The following PLEKHG5 variants were observed in gnomAD, a reference collection of about 807,000 sequenced individuals.
PLEKHG5 encodes pleckstrin homology domain-containing family G member 5.
In PLEKHG5, 52 loss-of-function variants were observed where a neutral mutation model predicts 103.8. That is an observed-to-expected ratio of 0.50 (90% CI 0.40 to 0.63). The LOEUF (loss-of-function observed/expected upper bound fraction) is 0.63. PLEKHG5 is among the 30% of genes least tolerant of loss of function. The probability of loss-of-function intolerance (pLI) is 0.00; values close to 1 mark genes in which losing one functional copy is unlikely to be tolerated. For synonymous variants in PLEKHG5, 592 were observed against 575.5 expected (o/e 1.03, Z -0.41); for missense variants, 1,205 against 1,347.6 (o/e 0.89, Z 1.66).
At chr1:6,498,456 G>A (rs1353899720), upstream of PLEKHG5, among the ~76,000 whole-genome samples, 4 of 152,188 alleles carry the variant, frequency 2.6e-5, no homozygotes, top group African/African-American at 9.7e-5. Flanking sequence ...GGTCTCCTGA[G>A]CTCTCTGGAT....
At chr1:6,485,200 TC>T in intron 1 of PLEKHG5, 1 of 630,130 alleles carries the variant, frequency 1.6e-6, no homozygotes, top group East Asian at 3.5e-5. Flanking sequence ...GCCGCATCCT[TC>T]CCCTGGGGGC....
chr1:6,471,794 G>A lies in PLEKHG5; in HGVS notation c.1095C>T (p.Cys365=), dbSNP rs774941228. 4.3e-6 allele frequency: 7 copies of A among 1,609,834 alleles called. No homozygotes were observed. The highest frequency in any genetic ancestry group is 5.9e-6 in the Non-Finnish European group (7 of 1,178,310). Residue 365 remains cysteine (C), a synonymous_variant, in exon 11 of 21, where the codon TGC becomes TGT. Coordinates refer to ENST00000377728, the MANE Select transcript of PLEKHG5 (RefSeq NM_020631.6). ...GCCCTGACTCTTGCAGGTTCAGGAG[G>A]CAGCACAGGAACAGCTGTGGGATCA... ...LRVIINLFLC[C]LLNLQESGLL...
At chr1:6,470,153 C>A in intron 16 of PLEKHG5, 83 bp downstream of exon 16, 2 of 1,476,716 alleles carry the variant, frequency 1.4e-6, no homozygotes, top group East Asian at 4.5e-5. Flanking sequence ...ACCGAAGGGA[C>A]TGCAGAGCTG....
chr1:6,501,019 C>T (rs4908900), upstream of PLEKHG5, among the ~76,000 whole-genome samples: 629 of 152,290 alleles, frequency 4.1e-3, 3 homozygotes, highest in Non-Finnish European at 6.4e-3. The surrounding 1 kb of genome is among the most constrained non-coding windows in gnomAD (Gnocchi z 4.3). Flanking sequence ...AACAGGGTTT[C>T]GGAAGAATTT....
upstream of PLEKHG5, among the ~76,000 whole-genome samples, chr1:6,498,550 C>G (rs1477769351): frequency 1.3e-5 from 2 of 152,246 alleles, no homozygotes; most frequent in Non-Finnish European, 2.9e-5. Flanking sequence ...ACTGGTGACC[C>G]TGACAAGACT....
chr1:6,498,483 C>T (rs1645258530), upstream of PLEKHG5, among the ~76,000 whole-genome samples: 1 of 152,234 alleles, frequency 6.6e-6, no homozygotes, highest in South Asian at 2.1e-4. Context: ...AGCAAACACA[C>T]TAAAGATCCT....
intron 1 of PLEKHG5, among the ~76,000 whole-genome samples, chr1:6,479,284 T>C (rs1190134353): frequency 8.9e-6 from 1 of 111,924 alleles, no homozygotes; most frequent in Non-Finnish European, 1.7e-5. Flanking sequence ...TGTTTATCCT[T>C]TTTTTTTTTT....
At position 6,490,555 on chromosome 1, in the gene PLEKHG5, C is replaced by G; in HGVS notation, c.-88+1082G>C. 2 of 985,380 alleles carry G rather than the reference C, an allele frequency of 2.0e-6. No individual in the cohort carries two copies. Among genetic ancestry groups the G allele is most frequent in the Non-Finnish European group, 2.4e-6 (2 of 829,936 alleles). 61.0% of individuals were successfully genotyped at this position (985,380 alleles called of 1,614,324 possible). A position where few individuals can be genotyped will look rare whatever the true frequency, so the allele number is the denominator to read the frequency against. ...GGAGAGGGGGACGGGAGCCGCGGGA[C>G]GGGCTCAGTCGACTCAGCGCAAACT... On this transcript the variant is annotated intron_variant, in intron 1 of 20. Coordinates refer to ENST00000377728, the MANE Select transcript of PLEKHG5 (RefSeq NM_020631.6). The surrounding 1 kb of genome is among the most constrained non-coding windows in gnomAD (Gnocchi z 8.0).
rs549433103 is a variant in PLEKHG5 at position 6,473,203 on chromosome 1, G to A, written c.796-29C>T. The A allele has an allele frequency of 1.9e-6, 3 of 1,612,814 alleles. No homozygotes were observed. In the South Asian group the frequency reaches 3.3e-5, roughly 18 times the overall value. On this transcript the variant is annotated intron_variant, in intron 8 of 20. Transcript: ENST00000377728. ...GAAAGATACCCTGGTCAGGGTCAGG[G>A]GTCATGGCCAGCCAGCTGCCTGACC...
intron 1 of PLEKHG5, among the ~76,000 whole-genome samples, chr1:6,482,461 G>A (rs568031952): frequency 2.0e-5 from 3 of 152,336 alleles, no homozygotes; most frequent in South Asian, 4.1e-4. Context: ...CAGGAGGGAG[G>A]AGGAGGCCGG....
intron 1 of PLEKHG5, among the ~76,000 whole-genome samples, chr1:6,517,408 G>A (rs1638655972): frequency 6.6e-6 from 1 of 151,898 alleles, no homozygotes; most frequent in African/African-American, 2.4e-5. Flanking sequence ...CACTCCAAAA[G>A]GTCTGTAACC....
At position 6,474,521 on chromosome 1, in the gene PLEKHG5, G is replaced by A; in HGVS notation, c.369C>T (p.Asp123=). The A allele has an allele frequency of 6.2e-7, 1 of 1,613,816 alleles. No individual in the cohort carries two copies. Among genetic ancestry groups the A allele is most frequent in the East Asian group, 2.2e-5 (1 of 44,872 alleles). Residue 123 remains aspartate (D), a synonymous_variant, in exon 6 of 21, where the codon GAC becomes GAT. Transcript: ENST00000377728. Reference sequence around the variant, plus strand: ...TGAGGGACAGGGGTGTGTTGGACTGGTCCAGGTAGATGTCCACTTTGCCCA... The same window carrying A: ...TGAGGGACAGGGGTGTGTTGGACTGATCCAGGTAGATGTCCACTTTGCCCA... The part of the protein sequence containing the change: ...IALGKVDIYL[D]QSNTPLSLTF...
In PLEKHG5 at chr1:6,473,252, C is replaced by T. The variant is rs1280977628; in HGVS notation, c.794G>A (p.Arg265Gln). 6.2e-6 allele frequency: 10 copies of T among 1,610,810 alleles called. No homozygotes were observed. The highest frequency in any genetic ancestry group is 1.1e-5 in the South Asian group (1 of 90,800). Residue 265 changes from arginine (R) to glutamine (Q), a missense_variant and splice_region_variant, in exon 8 of 21, where the codon CGG becomes CAG. Physicochemically the swap from Arg to Gln is conservative, Grantham distance 43. Coordinates refer to ENST00000377728, the MANE Select transcript of PLEKHG5 (RefSeq NM_020631.6). The stretch of plus-strand genomic sequence containing the variant: ...CCCTGGGCAGATGGGGCCACATACC[C>T]GGCCAAAGGCGCTGGTGCTGGGGCC... ...SSGPSTSAFGREVDKMEQLEG... is the reference protein window; with the variant it reads ...SSGPSTSAFGQEVDKMEQLEG...
At position 6,467,984 on chromosome 1, in the gene PLEKHG5, C is replaced by T; in HGVS notation, c.2852G>A (p.Gly951Asp). The part of the protein sequence containing the change: ...LVGCLAGEPA[G>D]SHRKRCGDLP... ...GTCTCCACACCTCTTCCTGTGGGAG[C>T]CTGCAGGTTCCCCGGCCAGGCAGCC... The change falls in exon 20 of 21, where the codon GGC becomes GAC. Residue 951 changes from glycine (G) to aspartate (D), a missense_variant. Transcript: ENST00000377728. 1.3e-6 allele frequency: 2 copies of T among 1,555,810 alleles called. No homozygotes were observed. The highest frequency in any genetic ancestry group is 1.7e-6 in the Non-Finnish European group (2 of 1,151,910).
At chr1:6,479,182 G>T (rs1411089614) in intron 1 of PLEKHG5, among the ~76,000 whole-genome samples, 2 of 151,648 alleles carry the variant, frequency 1.3e-5, no homozygotes, top group Non-Finnish European at 2.9e-5. Context: ...AGTCTATATT[G>T]ACATTTTCCC....
chr1:6,485,430 G>T, intron 1 of PLEKHG5: 1 of 1,291,128 alleles, frequency 7.7e-7, no homozygotes, highest in Non-Finnish European at 9.8e-7. Context: ...GGAGACACCG[G>T]GTCCTGTCCC....
chr1:6,477,605 G>C lies in PLEKHG5; in HGVS notation c.-34C>G, dbSNP rs1403528126. 6.2e-7 allele frequency: 1 copy of C among 1,611,258 alleles called. No homozygotes were observed. Among genetic ancestry groups the C allele is most frequent in the East Asian group, 2.2e-5 (1 of 44,864 alleles). ...GGAACTTGCTGTCACAGGCCTCGCA[G>C]AGGTTGAGGGGCCCCCGGCGGTGCA... On this transcript the variant is annotated 5_prime_UTR_variant, in exon 2 of 21. Transcript: ENST00000377728.
rs375661804 is a variant in PLEKHG5 at position 6,518,971 on chromosome 1, G to A, written c.-165+474C>T. Among the ~76,000 whole-genome samples, 8 of 152,324 alleles carry A rather than the reference G, an allele frequency of 5.3e-5. No homozygotes were observed. The East Asian group carries it at 1.5e-3, about 29-fold the overall frequency. On this transcript the variant is annotated intron_variant, in intron 1 of 21. Coordinates refer to the PLEKHG5 transcript ENST00000377740. ...CCATTCTCCTGCCTTAGCCTCCCGA[G>A]AGCTGGGACTACAGGTGCGTGCCAC...
Position 6,468,137 on chromosome 1 carries a change from C to T in PLEKHG5, c.2699G>A (p.Arg900His), listed in dbSNP as rs767138737. The T allele has an allele frequency of 1.3e-5, 20 of 1,569,724 alleles. No individual in the cohort carries two copies. Among genetic ancestry groups the T allele is most frequent in the Non-Finnish European group, 1.5e-5 (17 of 1,157,590 alleles). The change falls in exon 20 of 21, where the codon CGC (arginine) becomes CAC (histidine). Residue 900 changes from arginine (R) to histidine (H), a missense_variant. Coordinates refer to ENST00000377728, the MANE Select transcript of PLEKHG5 (RefSeq NM_020631.6). ...GTHGTPSAPSRSLSELCLAVP... is the reference protein window; with the variant it reads ...GTHGTPSAPSHSLSELCLAVP... ...AGCCAGGCAGAGCTCTGACAGGCTG[C>T]GGCTGGGGGCAGAGGGTGTCCCATG...
Sources: gnomAD v4.1 joint callset for allele counts (sites outside exome capture counted in the v4.1 genomes callset) on GRCh38, gnomAD v4.1.1 for gene constraint, Gnocchi (gnomAD v3.1) non-coding constraint, MANE v1.5 for transcripts, NCBI Gene and HGNC (gene_info 2026-07-23, HGNC 2026-07-21) for gene names.